AP3B2: variants seen among roughly 807,000 people sequenced by gnomAD.
AP3B2 encodes the protein adaptor related protein complex 3 subunit beta 2, also known as AP-3 complex subunit beta-2.
AP3B2 carries 50 observed loss-of-function variants against 126.9 expected under a neutral mutation model. The observed-to-expected ratio is 0.39, with a 90% CI of 0.31 to 0.50. The LOEUF is 0.50. Ranked by LOEUF, AP3B2 falls within the 20% of genes least tolerant of loss-of-function variation. The pLI is 0.79. For missense variants in AP3B2, 1,177 were observed against 1,426.4 expected, an observed-to-expected ratio of 0.83 and a Z score of 2.82; for synonymous variants, 541 against 565.0, an observed-to-expected ratio of 0.96 and a Z score of 0.60.
chr15:82,668,123 C>A (rs1202349438), intron 14 of AP3B2, among the ~76,000 whole-genome samples: 1 of 152,234 alleles, frequency 6.6e-6, no homozygotes, highest in African/African-American at 2.4e-5. Context: ...CAAAGCCCCT[C>A]AGATGCTGAC....
At chr15:82,703,650 C>A (rs1367597879) in intron 1 of AP3B2, among the ~76,000 whole-genome samples, 1 of 152,150 alleles carries the variant, frequency 6.6e-6, no homozygotes, top group Non-Finnish European at 1.5e-5. Context: ...CCTACAAGAT[C>A]TAGATAATTC....
At chr15:82,679,911 C>G in intron 9 of AP3B2, 111 bp from the exon 10 acceptor site, 1 of 983,704 alleles carries the variant, frequency 1.0e-6, no homozygotes, top group Non-Finnish European at 1.6e-6. Context: ...GCCTCCTCAC[C>G]ACTGCCCTCC....
chr15:82,699,514 G>A (rs2048684901), intron 1 of AP3B2: 1 of 398,376 alleles, frequency 2.5e-6, no homozygotes, highest in African/African-American at 2.1e-5. Flanking sequence ...GACCCTAAAT[G>A]CCAGCCTAAG....
chr15:82,664,028 C>G lies in AP3B2; in HGVS notation c.2262-53G>C. Reference sequence around the variant, plus strand: ...GCCTGGCCTGGACACTCCCTCCTTGCTTCACAGAAGCAGGAGAAATGCTGA... The same window carrying G: ...GCCTGGCCTGGACACTCCCTCCTTGGTTCACAGAAGCAGGAGAAATGCTGA... On this transcript the variant is annotated intron_variant, in intron 19 of 26. Coordinates refer to ENST00000535359, the MANE Select transcript of AP3B2 (RefSeq NM_001278512.2). The surrounding 1 kb of genome is among the most constrained non-coding windows in gnomAD (Gnocchi z 4.5). The G allele has an allele frequency of 1.9e-6, 3 of 1,557,304 alleles. No individual in the cohort carries two copies. Among genetic ancestry groups the G allele is most frequent in the Non-Finnish European group, 1.7e-6 (2 of 1,156,098 alleles).
At position 82,664,468 on chromosome 15, in the gene AP3B2, C is replaced by T. The variant is rs748172513; in HGVS notation, c.2160G>A (p.Ser720=). The T allele has an allele frequency of 5.6e-6, 9 of 1,613,582 alleles. No individual in the cohort carries two copies. The highest frequency in any genetic ancestry group is 1.6e-4 in the Middle Eastern group (1 of 6,084). The part of the protein sequence containing the change: ...ADSDPESESE[S]DSKSSSESGS... The stretch of plus-strand genomic sequence containing the variant: ...CGCTCTCACTGCTGCTCTTACTGTC[C>T]GATTCACTCTCAGACTCAGGGTCTG... The change falls in exon 19 of 27, where the codon TCG becomes TCA. Residue 720 remains serine, a synonymous_variant. Transcript: ENST00000535359. This position sits in a 1 kb window ranked among gnomAD's most constrained non-coding sequence, Gnocchi z 4.5.
At chr15:82,667,587 C>G (rs1330695848) in intron 14 of AP3B2, among the ~76,000 whole-genome samples, 1 of 152,208 alleles carries the variant, frequency 6.6e-6, no homozygotes, top group African/African-American at 2.4e-5. Flanking sequence ...TAAAATATCT[C>G]CATTTCTGCC....
Position 82,665,404 on chromosome 15 carries a change from C to CTTCA in AP3B2, c.1971+52_1971+53insTGAA, listed in dbSNP as rs2048036733. The CTTCA allele has an allele frequency of 1.5e-3, 939 of 622,842 alleles. No homozygotes were observed. Among genetic ancestry groups the CTTCA allele is most frequent in the Non-Finnish European group, 2.0e-3 (826 of 413,024 alleles). 38.6% of individuals were successfully genotyped at this position (622,842 alleles called of 1,614,324 possible). A position where few individuals can be genotyped will look rare whatever the true frequency, so the allele number is the denominator to read the frequency against. On this transcript the variant is annotated intron_variant, in intron 16 of 26. Coordinates refer to ENST00000535359, the MANE Select transcript of AP3B2 (RefSeq NM_001278512.2). The surrounding 1 kb of genome is among the most constrained non-coding windows in gnomAD (Gnocchi z 4.4). ...ACACACACACACACACACACACACA[C>CTTCA]ACACACACACACACACACACACACA...
chr15:82,683,788 T>A (rs549653072), intron 4 of AP3B2, among the ~76,000 whole-genome samples: 1 of 152,320 alleles, frequency 6.6e-6, no homozygotes, highest in Admixed American at 6.5e-5. Context: ...GACTTAAAAG[T>A]CAAAATTACT....
In AP3B2 at chr15:82,688,747, G is replaced by T; in HGVS notation, c.349C>A (p.Arg117Ser). ...LALLSISTFQ[R>S]GLKDPNQLIR... ...CTGAGACCCCTGACCTTTAGGCCAC[G>T]TTGGAAGGTGGAGATGGACAGCAGG... The change falls in exon 4 of 27, where the codon CGT becomes AGT. Residue 117 changes from arginine to serine, a missense_variant. By Grantham distance (110) the Arg-to-Ser change is moderately radical. Around this residue, in one of 5 missense-constraint regions of AP3B2, gnomAD observed 130 missense variants for 262.0 expected, o/e 0.50. Transcript: ENST00000535359. 1 of 1,612,080 alleles carries T rather than the reference G, an allele frequency of 6.2e-7. No homozygotes were observed. The highest frequency in any genetic ancestry group is 1.7e-5 in the Admixed American group (1 of 59,758).
rs1287373066 is a variant in AP3B2 at position 82,673,621 on chromosome 15, T to C, written c.1665+2840A>G. Among the ~76,000 whole-genome samples, 13 of 152,176 alleles carry C rather than the reference T, an allele frequency of 8.5e-5. No homozygotes were observed. The South Asian group carries it at 1.2e-3, about 15-fold the overall frequency. ...CAGAAAAGTTTAAAATATTGGACAA[T>C]AGACAAAAGTACAACTTCTGAATGA... On this transcript the variant is annotated intron_variant, in intron 14 of 26. Transcript: ENST00000535359.
chr15:82,677,228 G>C (rs1486788983), intron 13 of AP3B2, 46 bp downstream of exon 13: 2 of 1,450,000 alleles, frequency 1.4e-6, no homozygotes, highest in East Asian at 4.6e-5. Flanking sequence ...TTGAAATCAT[G>C]GGGAGGACCT....
chr15:82,680,446 G>A lies in AP3B2; in HGVS notation c.1055+26C>T. ...TGGGGCGGGGCAGGAGGCGAGGGAG[G>A]GGGCGGGGCTGGGGGCGGAGCGCAC... is the stretch of plus-strand genomic sequence containing the variant. On this transcript the variant is annotated intron_variant, in intron 8 of 26. Coordinates refer to ENST00000535359, the MANE Select transcript of AP3B2 (RefSeq NM_001278512.2). The surrounding 1 kb of genome is among the most constrained non-coding windows in gnomAD (Gnocchi z 6.1). The A allele has an allele frequency of 6.9e-7, 1 of 1,455,532 alleles. No homozygotes were observed. 90.2% of individuals were successfully genotyped at this position (1,455,532 alleles called of 1,614,324 possible). A position where few individuals can be genotyped will look rare whatever the true frequency, so the allele number is the denominator to read the frequency against.
intron 1 of AP3B2, among the ~76,000 whole-genome samples, chr15:82,700,185 C>A (rs925028279): frequency 4.6e-5 from 7 of 151,984 alleles, no homozygotes; most frequent in Non-Finnish European, 1.0e-4. Flanking sequence ...ATCTCATATA[C>A]CCTCTTCTCA....
In AP3B2 at chr15:82,659,582, A is replaced by G; in HGVS notation, c.3284T>C (p.Val1095Ala). 1 of 1,613,944 alleles carries G rather than the reference A, an allele frequency of 6.2e-7. No individual in the cohort carries two copies. The highest frequency in any genetic ancestry group is 2.2e-5 in the East Asian group (1 of 44,874). The change falls in exon 27 of 27, where the codon GTG becomes GCG. Residue 1095 changes from valine to alanine, a missense_variant. Physicochemically the swap from Val to Ala is moderately conservative, Grantham distance 64. Coordinates refer to ENST00000535359, the MANE Select transcript of AP3B2 (RefSeq NM_001278512.2). The part of the protein sequence containing the change: ...MVIGTMLVKD[V>A]IQALTQ ...AAGTCACTGGGTCAGAGCCTGTATC[A>G]CATCCTTTACCAGCATGGTGCCAAT...
chr15:82,700,396 G>GTTTTTTTTTTTTTTTTTT (rs1567275643), intron 1 of AP3B2, among the ~76,000 whole-genome samples: 8 of 11,262 alleles, frequency 7.1e-4, no homozygotes, highest in South Asian at 0.017. Flanking sequence ...GTGGTGGGTG[G>GTTTTTTTTTTTTTTTTTT]CTTTTTTTTT....
chr15:82,662,454 TTTAAG>T, intron 23 of AP3B2: 2 of 644,854 alleles, frequency 3.1e-6, no homozygotes, highest in Non-Finnish European at 5.3e-6. Context: ...CCTCACCACA[TTTAAG>T]TTAGTCCTGA....
At chr15:82,706,592 G>C (rs1323878659) in intron 1 of AP3B2, among the ~76,000 whole-genome samples, 1 of 152,130 alleles carries the variant, frequency 6.6e-6, no homozygotes, top group Non-Finnish European at 1.5e-5. Flanking sequence ...CTCATGGCCA[G>C]TTTTTCTCCT....
chr15:82,666,506 G>A (rs140771984), intron 15 of AP3B2, among the ~76,000 whole-genome samples: 58 of 152,336 alleles, frequency 3.8e-4, no homozygotes, highest in African/African-American at 1.3e-3. Flanking sequence ...GAGGAGAGGA[G>A]GCACAAGTCC....
chr15:82,662,331 T>C, intron 23 of AP3B2, 79 bp from the exon 24 acceptor site: 1 of 1,101,596 alleles, frequency 9.1e-7, no homozygotes, highest in African/African-American at 1.6e-5. Context: ...CTAGCCCTAC[T>C]CTCCTCTCCA....
Sources: gnomAD v4.1 joint callset for allele counts (sites outside exome capture counted in the v4.1 genomes callset) on GRCh38, gnomAD v4.1.1 for gene constraint, gnomAD v4.1.1 regional missense constraint, Gnocchi (gnomAD v3.1) non-coding constraint, MANE v1.5 for transcripts, NCBI Gene and HGNC (gene_info 2026-07-23, HGNC 2026-07-21) for gene names.